TTC5: variants seen among roughly 807,000 people sequenced by gnomAD.
The protein encoded by TTC5 is tetratricopeptide repeat protein 5.
A neutral mutation model predicts 57.4 loss-of-function variants in TTC5; 46 were observed. That is an observed-to-expected ratio of 0.80 (90% CI 0.63 to 1.03). The LOEUF (loss-of-function observed/expected upper bound fraction) is 1.03. TTC5 is among the 50% of genes least tolerant of loss of function. The pLI is 0.00. For synonymous variants in TTC5, 190 were observed against 203.5 expected, an observed-to-expected ratio of 0.93 and a Z score of 0.57; for missense variants, 504 against 528.1, an observed-to-expected ratio of 0.95 and a Z score of 0.45.
Position 20,300,143 on chromosome 14 carries a change from G to GTATGTGTGTGTATATATATATATA in TTC5, c.396+463_396+464insTATATATATATATACACACACATA, listed in dbSNP as rs56828704. ...GCATGAGTCACCACGTCTGGTCCAT[G>GTATGTGTGTGTATATATATATATA]TATATATATATATTTTTTTTTTTTT... On this transcript the variant is annotated intron_variant, in intron 3 of 9. Transcript: ENST00000258821. Among the ~76,000 whole-genome samples the GTATGTGTGTGTATATATATATATA allele has an allele frequency of 3.2e-3, 86 of 27,126 alleles. 16 individuals carry two copies. Among genetic ancestry groups the GTATGTGTGTGTATATATATATATA allele is most frequent in the East Asian group, 5.5e-3 (6 of 1,100 alleles). 17.8% of individuals were successfully genotyped at this position (27,126 alleles called of 152,430 possible). A position where few individuals can be genotyped will look rare whatever the true frequency, so the allele number is the denominator to read the frequency against.
intron 2 of TTC5, 90 bp downstream of exon 2, chr14:20,301,743 G>C: frequency 6.5e-7 from 1 of 1,529,498 alleles, no homozygotes; most frequent in South Asian, 1.2e-5. Flanking sequence ...AGCAGTAACA[G>C]ATAGGATACC....
At chr14:20,304,039 T>C (rs1050804572) in intron 1 of TTC5, among the ~76,000 whole-genome samples, 2 of 152,238 alleles carry the variant, frequency 1.3e-5, no homozygotes, top group Admixed American at 1.3e-4. Flanking sequence ...TATCATACTC[T>C]TATTTTTCTT....
chr14:20,295,301 G>C lies in TTC5; in HGVS notation c.1058+11C>G. On this transcript the variant is annotated intron_variant, in intron 8 of 9. Transcript: ENST00000258821. ...AAAGGGTAAAATGGGGGAAATCCAAGAGAAACTCACAAGGGGACTTTCTCC... is the reference window on the plus strand; with the variant it reads ...AAAGGGTAAAATGGGGGAAATCCAACAGAAACTCACAAGGGGACTTTCTCC... 6.2e-7 allele frequency: 1 copy of C among 1,613,608 alleles called. No homozygotes were observed. The highest frequency in any genetic ancestry group is 8.5e-7 in the Non-Finnish European group (1 of 1,179,546).
At position 20,301,973 on chromosome 14, in the gene TTC5, G is replaced by A. The variant is rs374132633; in HGVS notation, c.52-8C>T. The A allele has an allele frequency of 6.9e-5, 111 of 1,613,540 alleles. No individual in the cohort carries two copies. In the African/African-American group the frequency reaches 1.3e-3, roughly 18 times the overall value. The stretch of plus-strand genomic sequence containing the variant: ...GAGCTGATCCACGAGTTCCTAAAAA[G>A]TATGACAATGGAACCATTAAGTGGA... On this transcript the variant is annotated splice_polypyrimidine_tract_variant and splice_region_variant and intron_variant, in intron 1 of 9. Transcript: ENST00000258821.
At position 20,289,597 on chromosome 14, in the gene TTC5, C is replaced by G. The variant is rs1313640445; in HGVS notation, c.*30G>C. ...TGTCCAGAGCCTTGTCTCCTCTCCTCCACTCCCTGTTGAGCATGCAAGTCA... is the reference window on the plus strand; with the variant it reads ...TGTCCAGAGCCTTGTCTCCTCTCCTGCACTCCCTGTTGAGCATGCAAGTCA... On this transcript the variant is annotated 3_prime_UTR_variant, in exon 10 of 10. Transcript: ENST00000258821. 3.1e-6 allele frequency: 5 copies of G among 1,600,088 alleles called. No homozygotes were observed. The highest frequency in any genetic ancestry group is 4.3e-6 in the Non-Finnish European group (5 of 1,172,442).
chr14:20,295,255 G>A (rs1882034807), intron 8 of TTC5, 57 bp downstream of exon 8: 2 of 1,514,884 alleles, frequency 1.3e-6, no homozygotes, highest in African/African-American at 2.7e-5. Context: ...GAAAGAACAG[G>A]AAGTGAGAGC....
At position 20,287,388 on chromosome 14, in the gene TTC5, T is replaced by C. The variant is rs1223547938; in HGVS notation, c.*2239A>G. The C allele has an allele frequency of 6.6e-6, 1 of 152,126 alleles. No homozygotes were observed. The highest frequency in any genetic ancestry group is 1.5e-5 in the Non-Finnish European group (1 of 68,030). 9.4% of individuals were successfully genotyped at this position (152,126 alleles called of 1,614,324 possible). ...ACATATCAGGACATATACAAGAATA[T>C]TAATAATGTAGTGCTTTGGTAGTAA... On this transcript the variant is annotated 3_prime_UTR_variant, in exon 10 of 10. Coordinates refer to ENST00000258821, the MANE Select transcript of TTC5 (RefSeq NM_138376.3).
At chr14:20,300,391 T>C in intron 3 of TTC5, 1 of 522,092 alleles carries the variant, frequency 1.9e-6, no homozygotes, top group Non-Finnish European at 3.3e-6. Flanking sequence ...TCACTTCCTT[T>C]CTCCCCCTGA....
At position 20,300,924 on chromosome 14, in the gene TTC5, G is replaced by A. The variant is rs550741044; in HGVS notation, c.185-106C>T. 2.5e-4 allele frequency: 220 copies of A among 880,588 alleles called. 2 individuals are homozygous for A. Among genetic ancestry groups the A allele is most frequent in the South Asian group, 2.4e-3 (142 of 58,426 alleles). 54.5% of individuals were successfully genotyped at this position (880,588 alleles called of 1,614,324 possible). Reference sequence around the variant, plus strand: ...TCAGTTTTAGGAATAAAAAGAGTTGGGGAAAATATTTATCAATAAACCATT... The same window carrying A: ...TCAGTTTTAGGAATAAAAAGAGTTGAGGAAAATATTTATCAATAAACCATT... On this transcript the variant is annotated intron_variant, in intron 2 of 9. Transcript: ENST00000258821.
chr14:20,299,510 T>A (rs1882138047), intron 3 of TTC5, 62 bp from the exon 4 acceptor site: 1 of 1,556,872 alleles, frequency 6.4e-7, no homozygotes, highest in African/African-American at 1.4e-5. Flanking sequence ...CCAGATCTAT[T>A]CTGAACTCAG....
intron 1 of TTC5, among the ~76,000 whole-genome samples, chr14:20,304,144 T>A (rs1312926165): frequency 6.6e-6 from 1 of 152,206 alleles, no homozygotes; most frequent in African/African-American, 2.4e-5. Context: ...GCCTTTAATC[T>A]GTTTTGTTTC....
At chr14:20,304,285 A>G (rs1882247482) in intron 1 of TTC5, among the ~76,000 whole-genome samples, 1 of 152,330 alleles carries the variant, frequency 6.6e-6, no homozygotes, top group African/African-American at 2.4e-5. Context: ...TTAAAATCCT[A>G]TCCAGAATGA....
intron 5 of TTC5, among the ~76,000 whole-genome samples, chr14:20,296,793 A>G (rs1196060023): frequency 6.6e-6 from 1 of 152,202 alleles, no homozygotes; most frequent in African/African-American, 2.4e-5. Flanking sequence ...CTGGCAGATC[A>G]CCTGAGGTCA....
chr14:20,290,334 C>CA (rs998683484), intron 9 of TTC5, among the ~76,000 whole-genome samples: 3 of 152,010 alleles, frequency 2.0e-5, no homozygotes, highest in Non-Finnish European at 4.4e-5. Flanking sequence ...AGTCTTCATC[C>CA]AAAAAATATG....
At position 20,301,838 on chromosome 14, in the gene TTC5, A is replaced by C. The variant is rs781756407; in HGVS notation, c.179T>G (p.Val60Gly). 6.2e-7 allele frequency: 1 copy of C among 1,613,946 alleles called. No homozygotes were observed. Among genetic ancestry groups the C allele is most frequent in the Non-Finnish European group, 8.5e-7 (1 of 1,179,934 alleles). Residue 60 changes from valine to glycine, a missense_variant, in exon 2 of 10, where the codon GTA (valine) becomes GGA (glycine). By Grantham distance (109) the Val-to-Gly change is moderately radical. Transcript: ENST00000258821. Reference protein sequence around the residue: ...MEKTLQQMEEVVGSVQGKAQV... With the variant: ...MEKTLQQMEEGVGSVQGKAQV... ...ACAATCTCTAGGGCTCATACCCACT[A>C]CTTCTTCCATCTGCTGTAGGGTTTT...
In TTC5 at chr14:20,300,676, C is replaced by T. The variant is rs766011804; in HGVS notation, c.327G>A (p.Leu109=). 1 of 1,614,160 alleles carries T rather than the reference C, an allele frequency of 6.2e-7. No homozygotes were observed. The highest frequency in any genetic ancestry group is 1.7e-5 in the Admixed American group (1 of 60,020). ...CCCCTTTTTTCCAGTACACCTCACC[C>T]AGCTGGTTCCAGGCTTCCACCAGCT... The part of the protein sequence containing the change: ...EPELVEAWNQ[L]GEVYWKKGDV... Residue 109 remains leucine (L), a synonymous_variant, in exon 3 of 10, where the codon CTG becomes CTA. Coordinates refer to ENST00000258821, the MANE Select transcript of TTC5 (RefSeq NM_138376.3).
chr14:20,305,601 T>C, intron 1 of TTC5: 2 of 523,924 alleles, frequency 3.8e-6, no homozygotes, highest in Non-Finnish European at 6.8e-6. Context: ...TCGCTATGGA[T>C]GAATCGAGAA....
chr14:20,299,255 A>T, intron 4 of TTC5, 43 bp downstream of exon 4: 3 of 1,599,154 alleles, frequency 1.9e-6, no homozygotes, highest in Non-Finnish European at 8.5e-7. Context: ...GATTGAAAAC[A>T]TCTGCTCTAG....
intron 9 of TTC5, 107 bp from the exon 10 acceptor site, chr14:20,289,853 T>C (rs1413709208): frequency 5.1e-6 from 6 of 1,179,338 alleles, no homozygotes; most frequent in Admixed American, 2.7e-5. Flanking sequence ...CCCTGTTGTA[T>C]ACCCCCTCTA....
Sources: gnomAD v4.1 joint callset for allele counts (sites outside exome capture counted in the v4.1 genomes callset) on GRCh38, gnomAD v4.1.1 for gene constraint, MANE v1.5 for transcripts, NCBI Gene and HGNC (gene_info 2026-07-23, HGNC 2026-07-21) for gene names.